The following TLN2 variants were observed in gnomAD, a reference collection of about 807,000 sequenced individuals.
TLN2 encodes talin-2.
In TLN2, 118 loss-of-function variants were observed where a neutral mutation model predicts 294.7. The observed-to-expected ratio is 0.40, with a 90% CI of 0.34 to 0.47. The LOEUF is 0.47. TLN2 is among the 20% of genes least tolerant of loss of function. The probability of loss-of-function intolerance (pLI) is 0.84; values close to 1 mark genes in which losing one functional copy is unlikely to be tolerated. For synonymous variants in TLN2, 1,431 were observed against 1,304.5 expected, an observed-to-expected ratio of 1.10 and a Z score of -2.09; for missense variants, 3,083 against 3,282.2, an observed-to-expected ratio of 0.94 and a Z score of 1.48.
At chr15:62,594,599 A>G (rs890192990) in intron 2 of TLN2, among the ~76,000 whole-genome samples, 2 of 152,250 alleles carry the variant, frequency 1.3e-5, no homozygotes, top group Non-Finnish European at 2.9e-5. Context: ...ACAACTGGAT[A>G]TCCACATGCA....
intron 9 of TLN2, among the ~76,000 whole-genome samples, chr15:62,665,990 T>C (rs1596571848): frequency 6.6e-6 from 1 of 152,122 alleles, no homozygotes; most frequent in South Asian, 2.1e-4. Flanking sequence ...TATTGGGAGG[T>C]AGTGACCATT....
At chr15:62,664,596 C>T (rs969970490) in intron 9 of TLN2, among the ~76,000 whole-genome samples, 2 of 151,914 alleles carry the variant, frequency 1.3e-5, no homozygotes, top group African/African-American at 2.4e-5. Context: ...CGTTGGCCCA[C>T]GCCTGTAATC....
rs185688129 is a variant in TLN2 at position 62,660,741 on chromosome 15, T to G, written c.788+2843T>G. 2.3e-4 allele frequency among the ~76,000 whole-genome samples: 35 copies of G among 152,314 alleles called. No homozygotes were observed. In the East Asian group the frequency reaches 6.6e-3, roughly 29 times the overall value. ...AGCCTGGTGTTTTTCTTTAACTCAT[T>G]GAGAACTTGCAGATGTGTTTTATTG... is the stretch of plus-strand genomic sequence containing the variant. On this transcript the variant is annotated intron_variant, in intron 9 of 58. Coordinates refer to ENST00000636159, the MANE Select transcript of TLN2 (RefSeq NM_015059.3).
chr15:62,706,494 G>T (rs2059080628), intron 19 of TLN2, among the ~76,000 whole-genome samples: 2 of 152,252 alleles, frequency 1.3e-5, no homozygotes, highest in African/African-American at 2.4e-5. Flanking sequence ...AATAACTCAT[G>T]TTCAGAGCAT....
intron 48 of TLN2, among the ~76,000 whole-genome samples, chr15:62,798,432 A>G (rs2073707117): frequency 1.3e-5 from 2 of 152,146 alleles, no homozygotes; most frequent in Admixed American, 1.3e-4. Flanking sequence ...CTTGGCACAT[A>G]GTGGCTACTG....
At chr15:62,773,816 C>T (rs1227969214) in intron 42 of TLN2, among the ~76,000 whole-genome samples, 1 of 152,156 alleles carries the variant, frequency 6.6e-6, no homozygotes, top group African/African-American at 2.4e-5. Context: ...ATTATGAATA[C>T]CTCCCTAAGG....
chr15:62,780,678 G>A (rs558029328), intron 43 of TLN2, among the ~76,000 whole-genome samples: 16 of 152,304 alleles, frequency 1.1e-4, no homozygotes, highest in South Asian at 2.1e-4. Flanking sequence ...GAACGGTTCC[G>A]TGGATAGCCA....
chr15:62,838,799 T>C, intron 57 of TLN2, 57 bp from the exon 58 acceptor site: 1 of 1,597,800 alleles, frequency 6.3e-7, no homozygotes, highest in Non-Finnish European at 8.5e-7. Flanking sequence ...TGTCTATTCT[T>C]GCCAGGCCCA....
intron 3 of TLN2, among the ~76,000 whole-genome samples, chr15:62,633,493 CAG>C (rs1440753751): frequency 6.6e-6 from 1 of 152,126 alleles, no homozygotes; most frequent in Non-Finnish European, 1.5e-5. Context: ...TGTGTAGAGA[CAG>C]AGTCTTGCTA....
chr15:62,436,676 G>A (rs143930953), intron 1 of TLN2, among the ~76,000 whole-genome samples: 68 of 152,262 alleles, frequency 4.5e-4, no homozygotes, highest in African/African-American at 1.5e-3. Flanking sequence ...TTGTTGAAGA[G>A]TTGTGTATGG....
At chr15:62,772,925 A>C (rs1039614981) in intron 42 of TLN2, among the ~76,000 whole-genome samples, 5 of 151,772 alleles carry the variant, frequency 3.3e-5, no homozygotes, top group Non-Finnish European at 7.4e-5. Context: ...CAGCCTCCCA[A>C]AGTGCTGGGA....
At chr15:62,641,156 A>C (rs1327956096) in intron 3 of TLN2, among the ~76,000 whole-genome samples, 1 of 152,160 alleles carries the variant, frequency 6.6e-6, no homozygotes, top group Non-Finnish European at 1.5e-5. Context: ...AGCTCCATGT[A>C]GACAGGAGTT....
chr15:62,842,278 A>G lies in TLN2; in HGVS notation c.*1668A>G, dbSNP rs1872055452. ...AAGCAAGTGAGAGTATGTGTAGGAC[A>G]CTGACAGTGTGTGGGCACCAGTTCT... On this transcript the variant is annotated 3_prime_UTR_variant, in exon 59 of 59. Transcript: ENST00000636159. The G allele has an allele frequency of 6.6e-6, 1 of 152,180 alleles. No individual in the cohort carries two copies. Among genetic ancestry groups the G allele is most frequent in the South Asian group, 2.1e-4 (1 of 4,822 alleles). The allele number at this position is 152,180 out of a possible 1,614,324, so 9.4% of individuals were successfully genotyped here.
intron 38 of TLN2, 57 bp downstream of exon 38, chr15:62,761,878 C>G: frequency 6.2e-7 from 1 of 1,603,482 alleles, no homozygotes; most frequent in South Asian, 1.1e-5. Flanking sequence ...TTGTGTGGCA[C>G]CAAATGAGTT....
intron 1 of TLN2, among the ~76,000 whole-genome samples, chr15:62,577,113 C>A (rs2044486189): frequency 6.6e-6 from 1 of 152,162 alleles, no homozygotes; most frequent in Admixed American, 6.5e-5. Flanking sequence ...AATTTGTTTT[C>A]TTAGGGAAAA....
intron 2 of TLN2, among the ~76,000 whole-genome samples, chr15:62,600,433 C>T (rs1270675513): frequency 1.3e-5 from 2 of 152,178 alleles, no homozygotes; most frequent in Admixed American, 6.5e-5. Context: ...GTGGACTTTT[C>T]CTGCAGTGTT....
At chr15:62,768,313 G>C (rs1485588145) in intron 41 of TLN2, among the ~76,000 whole-genome samples, 1 of 152,222 alleles carries the variant, frequency 6.6e-6, no homozygotes, top group Non-Finnish European at 1.5e-5. Flanking sequence ...TAGAGAATCT[G>C]TTCTTTGCTG....
At chr15:62,546,764 C>A (rs1482130573) in intron 1 of TLN2, among the ~76,000 whole-genome samples, 1 of 152,170 alleles carries the variant, frequency 6.6e-6, no homozygotes, top group African/African-American at 2.4e-5. Flanking sequence ...GCTTTGAGAT[C>A]TATCTCTAGC....
At chr15:62,609,376 G>A (rs1034962627) in intron 2 of TLN2, among the ~76,000 whole-genome samples, 4 of 152,138 alleles carry the variant, frequency 2.6e-5, no homozygotes, top group African/African-American at 7.2e-5. Flanking sequence ...CTCAGATGCC[G>A]TTCAGGTTTT....
Sources: allele counts gnomAD v4.1 joint callset (sites outside exome capture counted in the v4.1 genomes callset), GRCh38; gene constraint gnomAD v4.1.1; transcripts MANE v1.5; gene names NCBI Gene and HGNC (gene_info 2026-07-23, HGNC 2026-07-21).